The following ABCE1 variants were observed in gnomAD, a reference collection of about 807,000 sequenced individuals.
ABCE1 encodes the protein ATP binding cassette subfamily E member 1.
ABCE1 carries 22 observed loss-of-function variants against 83.4 expected under a neutral mutation model. That is an observed-to-expected ratio of 0.26 (90% CI 0.19 to 0.38). ABCE1 has a LOEUF of 0.38. ABCE1 is among the 10% of genes least tolerant of loss of function. The pLI is 1.00. For synonymous variants in ABCE1, 204 were observed against 233.7 expected, an observed-to-expected ratio of 0.87 and a Z score of 1.16; for missense variants, 330 against 721.9, an observed-to-expected ratio of 0.46 and a Z score of 6.22.
chr4:145,117,967 T>G (rs1234171970), intron 10 of ABCE1, among the ~76,000 whole-genome samples: 3 of 151,748 alleles, frequency 2.0e-5, no homozygotes, highest in Admixed American at 2.0e-4. Flanking sequence ...ACCTGTGTAA[T>G]TTAAGCAAAA....
intron 1 of ABCE1, among the ~76,000 whole-genome samples, chr4:145,101,531 T>C (rs1213516684): frequency 6.6e-6 from 1 of 152,202 alleles, no homozygotes; most frequent in Non-Finnish European, 1.5e-5. Flanking sequence ...ATGGTTCCTG[T>C]GTTGAGAATG....
chr4:145,120,301 C>T (rs1749709938), intron 11 of ABCE1, 148 bp downstream of exon 11: 1 of 674,700 alleles, frequency 1.5e-6, no homozygotes, highest in South Asian at 2.1e-5. Flanking sequence ...TGTACTTTCA[C>T]ATTTTTTTGG....
chr4:145,102,039 G>A (rs968479004), intron 1 of ABCE1, among the ~76,000 whole-genome samples: 2 of 152,080 alleles, frequency 1.3e-5, no homozygotes, highest in Admixed American at 1.3e-4. Flanking sequence ...ATGAAGATGA[G>A]TGACCAGGAA....
chr4:145,110,842 G>A, intron 7 of ABCE1, 126 bp from the exon 8 acceptor site: 2 of 620,638 alleles, frequency 3.2e-6, no homozygotes, highest in Non-Finnish European at 5.6e-6. Context: ...AAAATCTCCA[G>A]TAATTGTTAT....
chr4:145,105,544 C>T, intron 2 of ABCE1, 61 bp from the exon 3 acceptor site: 1 of 1,236,212 alleles, frequency 8.1e-7, no homozygotes, highest in Non-Finnish European at 1.2e-6. Context: ...GCCTAAATAA[C>T]AGTGTTCGGA....
chr4:145,120,394 T>C (rs1749712664), intron 11 of ABCE1, among the ~76,000 whole-genome samples: 1 of 152,090 alleles, frequency 6.6e-6, no homozygotes, highest in African/African-American at 2.4e-5. Context: ...AAATAAGGTG[T>C]TCTTTGTCAG....
At chr4:145,121,019 AAG>A in intron 11 of ABCE1, 153 bp from the exon 12 acceptor site, 1 of 667,284 alleles carries the variant, frequency 1.5e-6, no homozygotes, top group East Asian at 2.8e-5. Flanking sequence ...TGAGCCATGA[AAG>A]ACTTAAGTAT....
intron 8 of ABCE1, 59 bp downstream of exon 8, chr4:145,111,123 A>G (rs571126233): frequency 2.7e-6 from 3 of 1,111,418 alleles, no homozygotes; most frequent in Non-Finnish European, 4.0e-6. Flanking sequence ...TTCAGTTGTG[A>G]TGCTGCTAAT....
chr4:145,104,275 A>C, intron 1 of ABCE1, 111 bp from the exon 2 acceptor site: 1 of 416,238 alleles, frequency 2.4e-6, no homozygotes, highest in East Asian at 3.6e-5. Flanking sequence ...TTTTTTTTGC[A>C]GATAATCATT....
At chr4:145,118,771 A>C (rs1262093702) in intron 10 of ABCE1, among the ~76,000 whole-genome samples, 2 of 151,894 alleles carry the variant, frequency 1.3e-5, no homozygotes, top group Non-Finnish European at 3.0e-5. Flanking sequence ...TAATATATTG[A>C]AATCAGTGCA....
In ABCE1 at chr4:145,123,261, T is replaced by A. The variant is rs1749791480; in HGVS notation, c.1421T>A (p.Leu474His). The A allele has an allele frequency of 6.2e-7, 1 of 1,612,382 alleles. No individual in the cohort carries two copies. Among genetic ancestry groups the A allele is most frequent in the Non-Finnish European group, 8.5e-7 (1 of 1,179,424 alleles). Residue 474 changes from leucine (L) to histidine (H), a missense_variant, in exon 15 of 18, where the codon CTT becomes CAT. Physicochemically the swap from Leu to His is moderately conservative, Grantham distance 99. Coordinates refer to ENST00000296577, the MANE Select transcript of ABCE1 (RefSeq NM_002940.3). Reference protein sequence around the residue: ...GGELQRVALALCLGKPADVYL... With the variant: ...GGELQRVALAHCLGKPADVYL... ...GAACTACAGCGAGTAGCTTTAGCCC[T>A]TTGCTTGGGCAAACCTGCTGATGTC...
chr4:145,122,286 T>G (rs1466400368), intron 13 of ABCE1: 1 of 152,206 alleles, frequency 6.6e-6, no homozygotes, highest in East Asian at 1.9e-4. Context: ...AAGCTTAGCT[T>G]TAAATTCTAA....
At chr4:145,115,609 G>A (rs1749588759) in intron 9 of ABCE1, among the ~76,000 whole-genome samples, 1 of 151,260 alleles carries the variant, frequency 6.6e-6, no homozygotes, top group African/African-American at 2.4e-5. Context: ...GAATTGTGCT[G>A]TAGCCTCTAG....
In ABCE1 at chr4:145,129,410, T is replaced by A. The variant is rs1410353201; in HGVS notation, c.*1837T>A. On this transcript the variant is annotated 3_prime_UTR_variant, in exon 18 of 18. Coordinates refer to ENST00000296577, the MANE Select transcript of ABCE1 (RefSeq NM_002940.3). ...AAGAATGAGACTACTTCATATGTCC[T>A]AATTGGAAAAAGTCTCAAATACTTA... 6.6e-6 allele frequency among the ~76,000 whole-genome samples: 1 copy of A among 152,074 alleles called. No individual in the cohort carries two copies. Among genetic ancestry groups the A allele is most frequent in the Admixed American group, 6.6e-5 (1 of 15,266 alleles).
chr4:145,111,997 G>T (rs1406565584), intron 8 of ABCE1, among the ~76,000 whole-genome samples: 1 of 152,156 alleles, frequency 6.6e-6, no homozygotes, highest in African/African-American at 2.4e-5. Context: ...TTGTAAATTA[G>T]CCTAACCTGG....
chr4:145,112,198 C>G (rs778786260), intron 8 of ABCE1, 41 bp from the exon 9 acceptor site: 1 of 1,393,180 alleles, frequency 7.2e-7, no homozygotes, highest in South Asian at 1.4e-5. Context: ...AATGTCTTGT[C>G]TTTCAAACTT....
Position 145,110,187 on chromosome 4 carries a change from C to T in ABCE1, c.490C>T (p.Leu164=), listed in dbSNP as rs376877949. The T allele has an allele frequency of 5.1e-5, 82 of 1,607,370 alleles. No individual in the cohort carries two copies. Among genetic ancestry groups the T allele is most frequent in the African/African-American group, 4.7e-4 (35 of 74,390 alleles). The change falls in exon 6 of 18, where the codon CTA becomes TTA. Residue 164 remains leucine, a synonymous_variant. Transcript: ENST00000296577. ...CTTTACAAAGATTCTAGAAGATGAC[C>T]TAAAAGCCATCATCAAACCTCAATA... is the stretch of plus-strand genomic sequence containing the variant. ...NYFTKILEDD[L]KAIIKPQYVD...
In ABCE1 at chr4:145,121,150, A is replaced by C. The variant is rs764918757; in HGVS notation, c.1145-24A>C. On this transcript the variant is annotated intron_variant, in intron 11 of 17. Coordinates refer to ENST00000296577, the MANE Select transcript of ABCE1 (RefSeq NM_002940.3). ...TAAACGTCAAGCATCTTTCAGATCA[A>C]ACTGTCATATGTTGTGTTGCCAGGA... 8 of 1,611,706 alleles carry C rather than the reference A, an allele frequency of 5.0e-6. No individual in the cohort carries two copies. In the South Asian group the frequency reaches 5.5e-5, roughly 11 times the overall value.
chr4:145,122,217 TTA>T (rs1457435605), intron 13 of ABCE1: 1 of 152,226 alleles, frequency 6.6e-6, no homozygotes, highest in Non-Finnish European at 1.5e-5. Context: ...AACATTCAAT[TTA>T]TGTTTTGTCT....
Sources: gnomAD v4.1 joint callset for allele counts (sites outside exome capture counted in the v4.1 genomes callset) on GRCh38, gnomAD v4.1.1 for gene constraint, MANE v1.5 for transcripts, NCBI Gene and HGNC (gene_info 2026-07-23, HGNC 2026-07-21) for gene names.